PEPD: variants seen among roughly 807,000 people sequenced by gnomAD.
The protein encoded by PEPD is xaa-Pro dipeptidase.
A neutral mutation model predicts 60.7 loss-of-function variants in PEPD; 53 were observed. The ratio of observed to expected loss-of-function variants is 0.87; its 90% confidence interval spans 0.70 to 1.10. The LOEUF is 1.10. Ranked by LOEUF, PEPD falls within the 50% of genes least tolerant of loss-of-function variation. The pLI is 0.00. For synonymous variants in PEPD, 267 were observed against 284.1 expected, an observed-to-expected ratio of 0.94 and a Z score of 0.60; for missense variants, 711 against 711.9, an observed-to-expected ratio of 1.00 and a Z score of 0.01.
chr19:33,449,164 A>AT (rs1969649994), intron 9 of PEPD, among the ~76,000 whole-genome samples: 2 of 152,220 alleles, frequency 1.3e-5, no homozygotes, highest in South Asian at 4.1e-4. Context: ...GACATCTTCC[A>AT]TGTCCACCGA....
At chr19:33,405,035 T>C (rs1033869448) in intron 11 of PEPD, among the ~76,000 whole-genome samples, 1 of 152,212 alleles carries the variant, frequency 6.6e-6, no homozygotes, top group Non-Finnish European at 1.5e-5. Context: ...CCTGGCTGTC[T>C]GGGGACCCTA....
intron 9 of PEPD, among the ~76,000 whole-genome samples, chr19:33,427,924 C>T (rs980068016): frequency 3.9e-5 from 6 of 152,156 alleles, no homozygotes; most frequent in Non-Finnish European, 7.3e-5. Context: ...CCCGGAGATC[C>T]GTGCAGCAGT....
intron 9 of PEPD, among the ~76,000 whole-genome samples, chr19:33,460,451 C>T (rs534140049): frequency 1.1e-4 from 16 of 152,238 alleles, no homozygotes; most frequent in African/African-American, 3.9e-4. Flanking sequence ...TCAAATCTGG[C>T]CAGGGATACT....
Position 33,387,410 on chromosome 19 carries a change from C to A in PEPD, c.1416G>T (p.Val472=), listed in dbSNP as rs1968098161. 1 of 1,614,106 alleles carries A rather than the reference C, an allele frequency of 6.2e-7. No individual in the cohort carries two copies. Among genetic ancestry groups the A allele is most frequent in the Non-Finnish European group, 8.5e-7 (1 of 1,180,050 alleles). ...CTGCCATGCATGCTTCAATCTCTTC[C>A]ACAGTGCGGGGCACGCAGGTCAGCA... The part of the protein sequence containing the change: ...IELLTCVPRT[V]EEIEACMAGC... Residue 472 remains valine (V), a synonymous_variant, in exon 15 of 15, where the codon GTG becomes GTT. Transcript: ENST00000244137.
chr19:33,495,532 A>T (rs1043675550), intron 4 of PEPD, among the ~76,000 whole-genome samples: 4 of 152,178 alleles, frequency 2.6e-5, no homozygotes, highest in Non-Finnish European at 5.9e-5. Context: ...ATGCCTTTAA[A>T]ACTGTTGGGT....
At chr19:33,466,117 A>G (rs1970013425) in intron 7 of PEPD, among the ~76,000 whole-genome samples, 1 of 152,258 alleles carries the variant, frequency 6.6e-6, no homozygotes, top group South Asian at 2.1e-4. Context: ...TGAGAAAAAC[A>G]TCCACAAAAA....
In PEPD at chr19:33,442,941, T is replaced by C. The variant is rs571725927; in HGVS notation, c.671+20054A>G. On this transcript the variant is annotated intron_variant, in intron 9 of 14. Coordinates refer to ENST00000244137, the MANE Select transcript of PEPD (RefSeq NM_000285.4). The stretch of plus-strand genomic sequence containing the variant: ...AACTGTGCTCCACGGGGGCTGGGCC[T>C]TTCCTCCACCGCTGCCTCCCCAGGG... Among the ~76,000 whole-genome samples, 115 of 152,248 alleles carry C rather than the reference T, an allele frequency of 7.6e-4. 1 individual carries two copies. Among genetic ancestry groups the C allele is most frequent in the South Asian group, 1.7e-3 (8 of 4,812 alleles).
At chr19:33,477,468 G>C (rs954207113) in intron 7 of PEPD, among the ~76,000 whole-genome samples, 1 of 152,236 alleles carries the variant, frequency 6.6e-6, no homozygotes, top group African/African-American at 2.4e-5. Flanking sequence ...CTGTCAAAGA[G>C]CAATGCGATG....
intron 12 of PEPD, among the ~76,000 whole-genome samples, chr19:33,392,610 G>A (rs568838124): frequency 3.0e-4 from 46 of 152,340 alleles, no homozygotes; most frequent in African/African-American, 9.6e-4. Context: ...AGTCCCTGCG[G>A]CACCTCCTGG....
At chr19:33,390,759 G>A (rs1388641703) in intron 13 of PEPD, among the ~76,000 whole-genome samples, 1 of 152,236 alleles carries the variant, frequency 6.6e-6, no homozygotes, top group African/African-American at 2.4e-5. Flanking sequence ...AGAATGCCTG[G>A]GGATGAGGAG....
intron 9 of PEPD, among the ~76,000 whole-genome samples, chr19:33,450,949 C>G (rs867399364): frequency 6.6e-6 from 1 of 152,320 alleles, no homozygotes; most frequent in East Asian, 1.9e-4. Context: ...CTTTCCATAG[C>G]AATGACTTGA....
At chr19:33,500,213 A>G (rs1437242021) in intron 4 of PEPD, among the ~76,000 whole-genome samples, 3 of 152,236 alleles carry the variant, frequency 2.0e-5, no homozygotes, top group Non-Finnish European at 4.4e-5. Context: ...GGGTTGTGAC[A>G]GCGCCCAGGG....
chr19:33,448,140 G>A (rs146932194), intron 9 of PEPD, among the ~76,000 whole-genome samples: 53 of 152,286 alleles, frequency 3.5e-4, no homozygotes, highest in African/African-American at 1.1e-3. Context: ...AATTACTCCC[G>A]CAGGGAGCGT....
chr19:33,499,488 C>T (rs924572910), intron 4 of PEPD, among the ~76,000 whole-genome samples: 8 of 152,180 alleles, frequency 5.3e-5, no homozygotes, highest in Non-Finnish European at 8.8e-5. Context: ...ACCTCTGATG[C>T]CCTACATGTC....
Position 33,387,156 on chromosome 19 carries a change from T to G in PEPD, c.*188A>C, listed in dbSNP as rs1968088049. ...ATAAAACAGATTAAAGGTGGGAGCC[T>G]GCAAAAGGGTAATTAAAAAAGTGTT... On this transcript the variant is annotated 3_prime_UTR_variant, in exon 15 of 15. Coordinates refer to ENST00000244137, the MANE Select transcript of PEPD (RefSeq NM_000285.4). 3.2e-6 allele frequency: 2 copies of G among 629,102 alleles called. No individual in the cohort carries two copies. The highest frequency in any genetic ancestry group is 3.8e-5 in the South Asian group (2 of 52,180). The allele number at this position is 629,102 out of a possible 1,614,324, so 39.0% of individuals were successfully genotyped here.
At chr19:33,406,434 G>A (rs942924034) in intron 11 of PEPD, among the ~76,000 whole-genome samples, 26 of 152,246 alleles carry the variant, frequency 1.7e-4, no homozygotes, top group African/African-American at 5.8e-4. Context: ...ATGCCTGTGG[G>A]TCTGGACCCT....
At chr19:33,397,178 G>C (rs117490768) in intron 12 of PEPD, among the ~76,000 whole-genome samples, 2 of 152,146 alleles carry the variant, frequency 1.3e-5, no homozygotes, top group Admixed American at 1.3e-4. Flanking sequence ...CTCCTTCCTC[G>C]CCGACTGTGA....
intron 9 of PEPD, among the ~76,000 whole-genome samples, chr19:33,430,171 C>T (rs931876868): frequency 6.6e-6 from 1 of 152,194 alleles, no homozygotes; most frequent in African/African-American, 2.4e-5. Context: ...AGAACATCCC[C>T]GGGAAGGACA....
At position 33,445,538 on chromosome 19, in the gene PEPD, A is replaced by G. The variant is rs8101562; in HGVS notation, c.671+17457T>C. ...TGCGTGCACACAGAGGAAAGGCCGC[A>G]TGAGGACATGGCAAGAAGGCGGCAA... On this transcript the variant is annotated intron_variant, in intron 9 of 14. Transcript: ENST00000244137. 3.9e-3 allele frequency among the ~76,000 whole-genome samples: 595 copies of G among 152,332 alleles called. 2 individuals carry two copies. Among genetic ancestry groups the G allele is most frequent in the African/African-American group, 0.014 (577 of 41,586 alleles).
Sources: gnomAD v4.1 joint callset for allele counts (sites outside exome capture counted in the v4.1 genomes callset) on GRCh38, gnomAD v4.1.1 for gene constraint, MANE v1.5 for transcripts, NCBI Gene and HGNC (gene_info 2026-07-23, HGNC 2026-07-21) for gene names.